The following FTO variants were observed in gnomAD, a reference collection of about 807,000 sequenced individuals.
FTO encodes the protein alpha-ketoglutarate-dependent dioxygenase FTO.
In FTO, 47 loss-of-function variants were observed where a neutral mutation model predicts 63.9. The observed-to-expected ratio is 0.74, with a 90% CI of 0.58 to 0.94. FTO has a LOEUF of 0.94. Ranked by LOEUF, FTO falls within the 40% of genes least tolerant of loss-of-function variation. FTO has a pLI of 0.00. For missense variants in FTO, 562 were observed against 618.1 expected (o/e 0.91, Z 0.96); for synonymous variants, 207 against 224.4 (o/e 0.92, Z 0.69).
chr16:53,898,969 C>G (rs1351845289), intron 7 of FTO, among the ~76,000 whole-genome samples: 3 of 152,166 alleles, frequency 2.0e-5, no homozygotes, highest in Non-Finnish European at 4.4e-5. Context: ...ATAACAGCAC[C>G]TGGCCAATAA....
intron 8 of FTO, among the ~76,000 whole-genome samples, chr16:53,985,141 G>A (rs993131851): frequency 3.9e-5 from 6 of 152,108 alleles, no homozygotes; most frequent in Non-Finnish European, 7.4e-5. Flanking sequence ...ATTAGTCAAT[G>A]ACATTTATGA....
intron 1 of FTO, among the ~76,000 whole-genome samples, chr16:53,806,317 C>T (rs1475639745): frequency 1.3e-5 from 2 of 152,114 alleles, no homozygotes; most frequent in African/African-American, 2.4e-5. Flanking sequence ...ATAGGTAAGA[C>T]GTTTACATAG....
At chr16:53,962,892 G>A (rs1400943965) in intron 8 of FTO, among the ~76,000 whole-genome samples, 2 of 152,094 alleles carry the variant, frequency 1.3e-5, no homozygotes, top group African/African-American at 4.8e-5. Flanking sequence ...GAAAATGAAA[G>A]AAGCATTAGT....
chr16:53,854,182 C>T (rs1365342067), intron 4 of FTO, among the ~76,000 whole-genome samples: 1 of 151,220 alleles, frequency 6.6e-6, no homozygotes, highest in Non-Finnish European at 1.5e-5. Flanking sequence ...TGTTTTTTTT[C>T]TTGCTGATTT....
At chr16:53,950,390 G>A (rs994746481) in intron 8 of FTO, among the ~76,000 whole-genome samples, 3 of 152,050 alleles carry the variant, frequency 2.0e-5, no homozygotes, top group Non-Finnish European at 2.9e-5. Context: ...GCAAAATGAT[G>A]GATTCTTCTA....
chr16:53,787,110 C>CA lies in FTO; in HGVS notation c.46-22998dup, dbSNP rs35391915. ...TGGGCAACAGAGTGAGACTCCTTCTCAAAAAAAAAAAAAAAAAAAAAAAAA... is the reference window on the plus strand; with the variant it reads ...TGGGCAACAGAGTGAGACTCCTTCTCAAAAAAAAAAAAAAAAAAAAAAAAAA... On this transcript the variant is annotated intron_variant, in intron 1 of 8. Transcript: ENST00000471389. Among the ~76,000 whole-genome samples the CA allele has an allele frequency of 2.6e-3, 144 of 56,162 alleles. 13 individuals carry two copies. Among genetic ancestry groups the CA allele is most frequent in the Admixed American group, 5.0e-3 (15 of 3,012 alleles). The allele number at this position is 56,162 out of a possible 152,430, so 36.8% of individuals were successfully genotyped here. A position where few individuals can be genotyped will look rare whatever the true frequency, so the allele number is the denominator to read the frequency against.
chr16:53,754,189 C>T (rs983675923), intron 1 of FTO, among the ~76,000 whole-genome samples: 4 of 152,190 alleles, frequency 2.6e-5, no homozygotes, highest in African/African-American at 7.2e-5. Context: ...AATGGTATGG[C>T]ATTTTTGAGT....
intron 1 of FTO, among the ~76,000 whole-genome samples, chr16:53,733,536 T>G (rs1383173895): frequency 6.6e-6 from 1 of 152,222 alleles, no homozygotes; most frequent in African/African-American, 2.4e-5. Flanking sequence ...GAAGGAGGAT[T>G]CTTCTCAGTT....
rs529673094 is a variant in FTO at position 54,111,829 on chromosome 16, A to G, written c.1432A>G (p.Lys478Glu). ...GCCAGAATGTCGGCCATACTGGGAA[A>G]AGGATGATGCTTCGATGCCTCTGCC... ...QKPECRPYWE[K>E]DDASMPLPFD... is the part of the protein sequence containing the mutation. Residue 478 changes from lysine (K) to glutamate (E), a missense_variant, in exon 9 of 9, where the codon AAG (lysine) becomes GAG (glutamate). Transcript: ENST00000471389. The G allele has an allele frequency of 1.9e-6, 3 of 1,614,176 alleles. No homozygotes were observed. In the African/African-American group the frequency reaches 4.0e-5, roughly 22 times the overall value.
rs16952691 is a variant in FTO, at chr16:53,958,347, T to C, written c.1364+24238T>C. Among the ~76,000 whole-genome samples the C allele has an allele frequency of 1.0e-2, 1,518 of 152,324 alleles. 24 individuals are homozygous for C. Among genetic ancestry groups the C allele is most frequent in the African/African-American group, 0.034 (1,422 of 41,570 alleles). Reference sequence around the variant, plus strand: ...ATGGCAGAGGAGTGCTGAGTGATTGTGCCTCTTCCTGGGTTGCCTCCTCCA... The same window carrying C: ...ATGGCAGAGGAGTGCTGAGTGATTGCGCCTCTTCCTGGGTTGCCTCCTCCA... On this transcript the variant is annotated intron_variant, in intron 8 of 8. Coordinates refer to ENST00000471389, the MANE Select transcript of FTO (RefSeq NM_001080432.3).
chr16:53,793,447 T>G (rs542160431), intron 1 of FTO, among the ~76,000 whole-genome samples: 1 of 152,222 alleles, frequency 6.6e-6, no homozygotes, highest in African/African-American at 2.4e-5. Flanking sequence ...TATTTTGTAC[T>G]TGTTTTTATT....
At chr16:54,110,957 A>G (rs2086869881) in intron 8 of FTO, among the ~76,000 whole-genome samples, 2 of 152,206 alleles carry the variant, frequency 1.3e-5, no homozygotes, top group Admixed American at 6.5e-5. Context: ...CACTTTTTAA[A>G]TAAGCCAGTC....
At chr16:54,039,782 T>A (rs1388225053) in intron 8 of FTO, 1 of 152,238 alleles carries the variant, frequency 6.6e-6, no homozygotes, top group East Asian at 1.9e-4. Context: ...TTATCCTGAT[T>A]GTAATCCCTC....
chr16:53,924,697 C>T (rs901775591), intron 7 of FTO, among the ~76,000 whole-genome samples: 2 of 152,070 alleles, frequency 1.3e-5, no homozygotes, highest in African/African-American at 2.4e-5. Context: ...ATCTCTTAGC[C>T]GAGGTCATCC....
chr16:53,789,453 C>T (rs1161600345), intron 1 of FTO, among the ~76,000 whole-genome samples: 1 of 152,120 alleles, frequency 6.6e-6, no homozygotes, highest in Non-Finnish European at 1.5e-5. Context: ...AGTTTCCTAA[C>T]TTTGAAGCTA....
chr16:54,105,147 A>T (rs2086722257), intron 8 of FTO, among the ~76,000 whole-genome samples: 1 of 152,206 alleles, frequency 6.6e-6, no homozygotes, highest in South Asian at 2.1e-4. Flanking sequence ...TAATAATTAG[A>T]GATAGTTTAT....
At position 53,912,644 on chromosome 16, in the gene FTO, AAT is replaced by A. The variant is rs1403035785; in HGVS notation, c.1240-21340_1240-21339del. 5.9e-5 allele frequency among the ~76,000 whole-genome samples: 9 copies of A among 152,184 alleles called. No individual in the cohort carries two copies. In the East Asian group the frequency reaches 1.7e-3, roughly 29 times the overall value. On this transcript the variant is annotated intron_variant, in intron 7 of 8. Coordinates refer to ENST00000471389, the MANE Select transcript of FTO (RefSeq NM_001080432.3). ...AATGTTGAGGTTGGAGCCTCTTCTT[AAT>A]GGGGATTTTGAGAACCAGGACATGA... is the stretch of plus-strand genomic sequence containing the variant.
intron 3 of FTO, among the ~76,000 whole-genome samples, chr16:53,830,098 G>A (rs1377782874): frequency 2.0e-5 from 3 of 152,152 alleles, no homozygotes; most frequent in African/African-American, 7.2e-5. Flanking sequence ...TTTATAATGA[G>A]CCAGTCATCC....
chr16:53,738,296 A>G (rs1391903370), intron 1 of FTO, among the ~76,000 whole-genome samples: 1 of 152,150 alleles, frequency 6.6e-6, no homozygotes, highest in Non-Finnish European at 1.5e-5. Context: ...TGTTGGGATT[A>G]CAGACATGAA....
Sources: gnomAD v4.1 joint callset for allele counts (sites outside exome capture counted in the v4.1 genomes callset) on GRCh38, gnomAD v4.1.1 for gene constraint, MANE v1.5 for transcripts, NCBI Gene and HGNC (gene_info 2026-07-23, HGNC 2026-07-21) for gene names.